Variants in KCNA6 observed in about 807,000 individuals in gnomAD.
KCNA6 encodes the protein human brain potassium channel-2.
In KCNA6, 17 loss-of-function variants were observed where a neutral mutation model predicts 29.5. The observed-to-expected ratio is 0.58, with a 90% confidence interval of 0.39 to 0.86. KCNA6 has a LOEUF of 0.86. Among genes scored for constraint, KCNA6 ranks in the 40% least tolerant of loss-of-function variants. The pLI, the probability that KCNA6 is intolerant of heterozygous loss-of-function variation, is 0.00. For synonymous variants in KCNA6, 296 were observed against 304.7 expected (o/e 0.97, Z 0.30); for missense variants, 450 against 703.4 (o/e 0.64, Z 4.07).
At chr12:4,820,587 AC>A in the KCNA6 span, among the ~76,000 whole-genome samples, 3 of 149,958 alleles carry the variant, frequency 2.0e-5, no homozygotes, top group Non-Finnish European at 3.0e-5. Flanking sequence ...ACACACACAC[AC>A]ACACTCTTAA....
chr12:4,827,095 C>T, the KCNA6 span, among the ~76,000 whole-genome samples: 1 of 148,510 alleles, frequency 6.7e-6, no homozygotes, highest in Admixed American at 6.7e-5. Context: ...TCCATCGTCC[C>T]CTCTCTCTTC....
chr12:4,840,235 C>CTA, the KCNA6 span, among the ~76,000 whole-genome samples: 44,581 of 112,802 alleles, frequency 0.4, 7,245 homozygotes, highest in African/African-American at 0.44. Context: ...ATCTATCTAT[C>CTA]TATCTATCTC....
chr12:4,849,908 C>T, the KCNA6 span, among the ~76,000 whole-genome samples: 5 of 152,218 alleles, frequency 3.3e-5, no homozygotes, highest in East Asian at 1.9e-4. Flanking sequence ...TGTTTGGCTA[C>T]GCTGGCTTGC....
chr12:4,827,199 TCCTTC>T, the KCNA6 span, among the ~76,000 whole-genome samples: 17 of 54,444 alleles, frequency 3.1e-4, no homozygotes, highest in East Asian at 4.8e-3. Context: ...CTTCCTTCCT[TCCTTC>T]CCTCCTTCCT....
chr12:4,850,788 G>T, the KCNA6 span: 1 of 454,584 alleles, frequency 2.2e-6, no homozygotes, highest in Non-Finnish European at 4.4e-6. This position sits in a 1 kb window ranked among gnomAD's most constrained non-coding sequence, Gnocchi z 5.4. Context: ...ATAGAATTCT[G>T]ACAGCAGCTG....
the KCNA6 span, among the ~76,000 whole-genome samples, chr12:4,833,879 GTCTTCT>G: frequency 1.3e-5 from 2 of 150,444 alleles, no homozygotes; most frequent in South Asian, 2.1e-4. Context: ...GGAGGGACTT[GTCTTCT>G]TCTTCTTCTC....
the KCNA6 span, among the ~76,000 whole-genome samples, chr12:4,831,113 A>G: frequency 6.6e-6 from 1 of 152,170 alleles, no homozygotes; most frequent in African/African-American, 2.4e-5. Flanking sequence ...CCTCTTATAC[A>G]ACAACCCTAA....
At chr12:4,850,340 G>T in the KCNA6 span, among the ~76,000 whole-genome samples, 3 of 152,292 alleles carry the variant, frequency 2.0e-5, no homozygotes, top group Non-Finnish European at 4.4e-5. This position sits in a 1 kb window ranked among gnomAD's most constrained non-coding sequence, Gnocchi z 5.4. Context: ...AGGTGTCAGG[G>T]AGCAGTGAGA....
the KCNA6 span, among the ~76,000 whole-genome samples, chr12:4,825,053 A>G: frequency 1.3e-5 from 2 of 152,204 alleles, no homozygotes; most frequent in Non-Finnish European, 2.9e-5. Context: ...AGAATCCATA[A>G]TATAGACTCC....
At chr12:4,841,290 A>G in the KCNA6 span, among the ~76,000 whole-genome samples, 3 of 152,206 alleles carry the variant, frequency 2.0e-5, no homozygotes, top group East Asian at 1.9e-4. Flanking sequence ...TGCTGTATGT[A>G]TAATAATTTG....
At chr12:4,814,346 C>A (rs1450855269), downstream of KCNA6, 1 of 167,070 alleles carries the variant, frequency 6.0e-6, no homozygotes. This position sits in a 1 kb window ranked among gnomAD's most constrained non-coding sequence, Gnocchi z 4.6. Context: ...TCTTAGGTAT[C>A]ATGGAGTTCC....
At chr12:4,827,564 G>A in the KCNA6 span, among the ~76,000 whole-genome samples, 1 of 152,206 alleles carries the variant, frequency 6.6e-6, no homozygotes, top group Non-Finnish European at 1.5e-5. Context: ...AGAAAGGTTG[G>A]TGTTACTCTC....
Position 4,810,814 on chromosome 12 carries a change from T to G in KCNA6, c.773T>G (p.Phe258Cys). The change falls in exon 1 of 1, where the codon TTC becomes TGC. Residue 258 changes from phenylalanine to cysteine, a missense_variant. This residue lies in a region of KCNA6 where 74 missense variants were observed against 71.5 expected (regional missense o/e 1.03). Transcript: ENST00000280684. This position sits in a 1 kb window ranked among gnomAD's most constrained non-coding sequence, Gnocchi z 7.5. ...TCACTCAGTACTCTTGGGGGCTCCT[T>G]CTTTACAGACCCCTTCTTTCTGGTG... The G allele has an allele frequency of 6.3e-7, 1 of 1,592,260 alleles. No individual in the cohort carries two copies. The highest frequency in any genetic ancestry group is 1.2e-5 in the South Asian group (1 of 85,724).
the KCNA6 span, among the ~76,000 whole-genome samples, chr12:4,835,227 C>T: frequency 0.37 from 55,865 of 150,114 alleles, 10,790 homozygotes; most frequent in Middle Eastern, 0.48. Context: ...CTCTGCCTCC[C>T]GGGTTCACAC....
chr12:4,809,734 C>T (rs1472666138), exon 1 of KCNA6: 8 of 311,378 alleles, frequency 2.6e-5, no homozygotes, highest in Non-Finnish European at 4.7e-5. Flanking sequence ...CGCGTCTTTT[C>T]GGGCAGCCAA....
chr12:4,832,602 C>G, the KCNA6 span, among the ~76,000 whole-genome samples: 1 of 152,148 alleles, frequency 6.6e-6, no homozygotes, highest in Non-Finnish European at 1.5e-5. Flanking sequence ...ACTGTTTTGT[C>G]CTTGTTATGT....
downstream of KCNA6, among the ~76,000 whole-genome samples, chr12:4,817,322 A>T (rs868864362): frequency 2.8e-4 from 43 of 152,350 alleles, no homozygotes; most frequent in South Asian, 6.2e-4. Flanking sequence ...CTTCCCAGAC[A>T]TAGGCCGCGG....
chr12:4,810,516 C>T lies in KCNA6; in HGVS notation c.475C>T (p.Gln159Ter), dbSNP rs1203514169. The T allele has an allele frequency of 1.2e-6, 2 of 1,614,204 alleles. No homozygotes were observed. Among genetic ancestry groups the T allele is most frequent in the Admixed American group, 3.3e-5 (2 of 60,034 alleles). Reference sequence around the variant, plus strand: ...GCTGCCCTCCCAGCCCTTCCAGCGCCAGGTGTGGCTGCTCTTTGAGTACCC... The same window carrying T: ...GCTGCCCTCCCAGCCCTTCCAGCGCTAGGTGTGGCTGCTCTTTGAGTACCC... The change falls in exon 1 of 1, where the codon CAG (glutamine) becomes TAG (stop). Residue 159 changes from glutamine to a stop codon, truncating the protein, a stop_gained. Transcript: ENST00000280684. LOFTEE classifies it high-confidence loss of function. The surrounding 1 kb of genome is among the most constrained non-coding windows in gnomAD (Gnocchi z 7.5).
chr12:4,845,573 TAAAC>T, the KCNA6 span, among the ~76,000 whole-genome samples: 5 of 152,310 alleles, frequency 3.3e-5, no homozygotes, highest in African/African-American at 1.2e-4. Flanking sequence ...GAATTTTAGA[TAAAC>T]TAGGAGTAAT....
Sources: allele counts gnomAD v4.1 joint callset (sites outside exome capture counted in the v4.1 genomes callset), GRCh38; gene constraint gnomAD v4.1.1; regional missense constraint gnomAD v4.1.1; non-coding constraint Gnocchi (gnomAD v3.1); transcripts MANE v1.5; gene names NCBI Gene and HGNC (gene_info 2026-07-23, HGNC 2026-07-21).